The following APOB variants were observed in gnomAD, a reference collection of about 807,000 sequenced individuals.
APOB encodes apolipoprotein B-100.
Under a neutral mutation model 314.1 loss-of-function variants are expected in APOB, and 153 were observed. The observed-to-expected ratio is 0.49, with a 90% confidence interval of 0.43 to 0.56. The LOEUF (loss-of-function observed/expected upper bound fraction) is 0.56. APOB is among the 20% of genes least tolerant of loss of function. The pLI, the probability that APOB is intolerant of heterozygous loss-of-function variation, is 0.00. For synonymous variants in APOB, 2,087 were observed against 2,036.4 expected (o/e 1.02, Z -0.67); for missense variants, 5,430 against 5,350.7 (o/e 1.01, Z -0.46).
In APOB at chr2:21,001,872, G is replaced by A. The variant is rs763773989; in HGVS notation, c.13550C>T (p.Ser4517Phe). 3.0e-5 allele frequency: 48 copies of A among 1,613,994 alleles called. 1 individual carries two copies. In the South Asian group the frequency reaches 4.0e-4, roughly 13 times the overall value. Residue 4517 changes from serine to phenylalanine, a missense_variant, in exon 29 of 29, where the codon TCC becomes TTC. Ser to Phe is a radical substitution (Grantham distance 155). Coordinates refer to ENST00000233242, the MANE Select transcript of APOB (RefSeq NM_000384.3). ...AATGGACAGGTCAATCAATCTTTTG[G>A]ATTCAGCAATAAATTTTTCATAGTA... Reference protein sequence around the residue: ...SDYYEKFIAESKRLIDLSIQN... With the variant: ...SDYYEKFIAEFKRLIDLSIQN...
rs1663003357 is a variant in APOB at position 21,002,267 on chromosome 2, A to C, written c.13155T>G (p.Arg4385=). 6.2e-7 allele frequency: 1 copy of C among 1,614,012 alleles called. No homozygotes were observed. Among genetic ancestry groups the C allele is most frequent in the African/African-American group, 1.3e-5 (1 of 75,060 alleles). The change falls in exon 29 of 29, where the codon CGT becomes CGG. Residue 4385 remains arginine, a synonymous_variant. Coordinates refer to ENST00000233242, the MANE Select transcript of APOB (RefSeq NM_000384.3). ...QQIHQYIMAL[R]EEYFDPSIVG... Reference sequence around the variant, plus strand: ...CTATACTTGGATCAAAATATTCTTCACGAAGGGCCATAATGTATTGATGGA... The same window carrying C: ...CTATACTTGGATCAAAATATTCTTCCCGAAGGGCCATAATGTATTGATGGA...
In APOB at chr2:21,019,713, C is replaced by A. The variant is rs780814886; in HGVS notation, c.2999+10G>T. On this transcript the variant is annotated intron_variant, in intron 19 of 28. Coordinates refer to ENST00000233242, the MANE Select transcript of APOB (RefSeq NM_000384.3). ...AGAAAATGCTGGGTCAGGCACTGAG[C>A]ATCTCTAACCTGGTGTCCCCGGTCA... 24 of 1,613,658 alleles carry A rather than the reference C, an allele frequency of 1.5e-5. No homozygotes were observed. The East Asian group carries it at 5.3e-4, about 36-fold the overall frequency.
chr2:21,005,358 G>A lies in APOB; in HGVS notation c.11510C>T (p.Ala3837Val), dbSNP rs1320591054. ...LPKSVSDGIA[A>V]LDLNAVANKI... is the part of the protein sequence containing the mutation. The stretch of plus-strand genomic sequence containing the variant: ...GTTGGCTACTGCATTTAGATCCAAA[G>A]CAGCAATGCCATCTGAAACACTTTT... Residue 3837 changes from alanine to valine, a missense_variant, in exon 26 of 29, where the codon GCT becomes GTT. Ala to Val is a moderately conservative substitution (Grantham distance 64). This residue lies in a region of APOB where 3,281 missense variants were observed against 3,171.0 expected (regional missense o/e 1.03). Transcript: ENST00000233242. 6.2e-7 allele frequency: 1 copy of A among 1,614,108 alleles called. No homozygotes were observed. The highest frequency in any genetic ancestry group is 1.1e-5 in the South Asian group (1 of 91,088).
rs759254655 is a variant in APOB, at chr2:21,006,642, C to T, written c.10226G>A (p.Ser3409Asn). The T allele has an allele frequency of 2.9e-5, 46 of 1,613,982 alleles. 1 individual carries two copies. In the South Asian group the frequency reaches 4.9e-4, roughly 17 times the overall value. Reference sequence around the variant, plus strand: ...GGTTAAGCTCACAGTACTGTTATGACTACCCTCCACAAATTTGTTGCTCAG... The same window carrying T: ...GGTTAAGCTCACAGTACTGTTATGATTACCCTCCACAAATTTGTTGCTCAG... ...LSLSNKFVEG[S>N]HNSTVSLTTK... Residue 3409 changes from serine to asparagine, a missense_variant, in exon 26 of 29, where the codon AGT becomes AAT. This residue lies in a region of APOB where 3,281 missense variants were observed against 3,171.0 expected (regional missense o/e 1.03). Coordinates refer to ENST00000233242, the MANE Select transcript of APOB (RefSeq NM_000384.3).
At position 21,011,586 on chromosome 2, in the gene APOB, C is replaced by T; in HGVS notation, c.5282G>A (p.Gly1761Asp). Residue 1761 changes from glycine (G) to aspartate (D), a missense_variant, in exon 26 of 29, where the codon GGC (glycine) becomes GAC (aspartate). Transcript: ENST00000233242. ...FDHTNSLNIA[G>D]LSLDFSSKLD... is the part of the protein sequence containing the mutation. The stretch of plus-strand genomic sequence containing the variant: ...TTTTGAAGAGAAGTCCAGTGATAAG[C>T]CTGCAATGTTCAGACTGTTTGTGTG... 1 of 1,614,156 alleles carries T rather than the reference C, an allele frequency of 6.2e-7. No homozygotes were observed. The highest frequency in any genetic ancestry group is 8.5e-7 in the Non-Finnish European group (1 of 1,179,994).
chr2:21,035,580 C>T lies in APOB; in HGVS notation c.818+4G>A. ...ACAAATCAGGGGTGCATCACATGAC[C>T]TACTTGTAGGAGAAAGGCAGGAAGA... is the stretch of plus-strand genomic sequence containing the variant. On this transcript the variant is annotated splice_donor_region_variant and intron_variant, in intron 7 of 28. Coordinates refer to ENST00000233242, the MANE Select transcript of APOB (RefSeq NM_000384.3). 1 of 1,614,026 alleles carries T rather than the reference C, an allele frequency of 6.2e-7. No individual in the cohort carries two copies. Among genetic ancestry groups the T allele is most frequent in the Non-Finnish European group, 8.5e-7 (1 of 1,180,038 alleles).
chr2:21,034,796 A>G lies in APOB; in HGVS notation c.904+20T>C. On this transcript the variant is annotated intron_variant, in intron 8 of 28. Transcript: ENST00000233242. Reference sequence around the variant, plus strand: ...ATCTTGAGTAGATTTTCCAGCAACTATGTGGACAGAAACTCTTACCTTCAC... The same window carrying G: ...ATCTTGAGTAGATTTTCCAGCAACTGTGTGGACAGAAACTCTTACCTTCAC... 1 of 1,440,588 alleles carries G rather than the reference A, an allele frequency of 6.9e-7. No homozygotes were observed. 89.2% of individuals were successfully genotyped at this position (1,440,588 alleles called of 1,614,324 possible). A position where few individuals can be genotyped will look rare whatever the true frequency, so the allele number is the denominator to read the frequency against.
At chr2:21,030,518 A>G (rs1212691813) in intron 10 of APOB, among the ~76,000 whole-genome samples, 3 of 152,230 alleles carry the variant, frequency 2.0e-5, no homozygotes, top group Non-Finnish European at 4.4e-5. Flanking sequence ...AACCTAGGGA[A>G]AACTTCTCTG....
At chr2:21,015,591 A>G in intron 21 of APOB, 46 bp from the exon 22 acceptor site, 1 of 1,587,306 alleles carries the variant, frequency 6.3e-7, no homozygotes, top group Non-Finnish European at 8.6e-7. Context: ...TGTCCTTTCA[A>G]TGGAGATATG....
At position 21,029,815 on chromosome 2, in the gene APOB, T is replaced by C. The variant is rs1199193353; in HGVS notation, c.1471-30A>G. On this transcript the variant is annotated intron_variant, in intron 11 of 28. Transcript: ENST00000233242. ...ATTGAAGAAAAGAAACAAGAACCCA[T>C]CAGGGTGCAGGAGAGGGAAGTAAAA... 5.0e-6 allele frequency: 8 copies of C among 1,613,616 alleles called. No homozygotes were observed. In the South Asian group the frequency reaches 5.5e-5, roughly 11 times the overall value.
chr2:21,013,110 G>A, intron 25 of APOB, 50 bp downstream of exon 25: 1 of 1,611,638 alleles, frequency 6.2e-7, no homozygotes, highest in East Asian at 2.2e-5. Context: ...TCTCCTCTTA[G>A]AGCCTGCCAT....
In APOB at chr2:21,008,853, A is replaced by C; in HGVS notation, c.8015T>G (p.Ile2672Ser). 3.1e-6 allele frequency: 5 copies of C among 1,614,104 alleles called. No individual in the cohort carries two copies. Among genetic ancestry groups the C allele is most frequent in the Non-Finnish European group, 4.2e-6 (5 of 1,179,968 alleles). ...TIDFVEMKVKIIRTIDQMLNS... is the reference protein window; with the variant it reads ...TIDFVEMKVKSIRTIDQMLNS... ...CAGCATCTGGTCAATGGTTCTGATG[A>C]TCTTTACTTTCATTTCTACAAAGTC... is the stretch of plus-strand genomic sequence containing the variant. Residue 2672 changes from isoleucine (I) to serine (S), a missense_variant, in exon 26 of 29, where the codon ATC becomes AGC. By Grantham distance (142) the Ile-to-Ser change is moderately radical. Transcript: ENST00000233242.
In APOB at chr2:21,007,830, C is replaced by T. The variant is rs1572780311; in HGVS notation, c.9038G>A (p.Gly3013Glu). 1 of 1,614,066 alleles carries T rather than the reference C, an allele frequency of 6.2e-7. No individual in the cohort carries two copies. Among genetic ancestry groups the T allele is most frequent in the African/African-American group, 1.3e-5 (1 of 75,050 alleles). ...TAKGMALFGEGKAEFTGRHDA... is the reference protein window; with the variant it reads ...TAKGMALFGEEKAEFTGRHDA... ...ATGCCTCCCAGTAAACTCTGCCTTC[C>T]CTTCTCCAAACAGTGCCATGCCTTT... The change falls in exon 26 of 29, where the codon GGG becomes GAG. Residue 3013 changes from glycine (G) to glutamate (E), a missense_variant. By Grantham distance (98) the Gly-to-Glu change is moderately conservative. Coordinates refer to ENST00000233242, the MANE Select transcript of APOB (RefSeq NM_000384.3).
Position 21,019,858 on chromosome 2 carries a change from G to C in APOB, c.2864C>G (p.Pro955Arg). ...CCAGGACTGCCTGTTCTCAATGAGA[G>C]GTGGGATCACCTCCGTTTTGGTGGT... ...VSTTKTEVIPPLIENRQSWSV... is the reference protein window; with the variant it reads ...VSTTKTEVIPRLIENRQSWSV... The change falls in exon 19 of 29, where the codon CCT becomes CGT. Residue 955 changes from proline to arginine, a missense_variant. Coordinates refer to ENST00000233242, the MANE Select transcript of APOB (RefSeq NM_000384.3). The C allele has an allele frequency of 6.2e-7, 1 of 1,614,148 alleles. No individual in the cohort carries two copies. The highest frequency in any genetic ancestry group is 2.2e-5 in the East Asian group (1 of 44,876).
Position 21,011,482 on chromosome 2 carries a change from T to C in APOB, c.5386A>G (p.Thr1796Ala). ...TTGTATTTCAGGTCACTGTTTAAAG[T>C]AGTTACCAGAGAATAGGGCTGTAGC... ...LQLQPYSLVTTLNSDLKYNAL... is the reference protein window; with the variant it reads ...LQLQPYSLVTALNSDLKYNAL... The change falls in exon 26 of 29, where the codon ACT becomes GCT. Residue 1796 changes from threonine to alanine, a missense_variant. Coordinates refer to ENST00000233242, the MANE Select transcript of APOB (RefSeq NM_000384.3). The C allele has an allele frequency of 1.2e-6, 2 of 1,614,186 alleles. No individual in the cohort carries two copies. Among genetic ancestry groups the C allele is most frequent in the South Asian group, 1.1e-5 (1 of 91,086 alleles).
At chr2:21,017,985 A>C (rs973213316) in intron 20 of APOB, among the ~76,000 whole-genome samples, 2 of 152,130 alleles carry the variant, frequency 1.3e-5, no homozygotes, top group South Asian at 2.1e-4. Context: ...GTGAACACCT[A>C]AATTTCTCCC....
chr2:21,011,003 C>T lies in APOB; in HGVS notation c.5865G>A (p.Val1955=). 1 of 1,614,162 alleles carries T rather than the reference C, an allele frequency of 6.2e-7. No individual in the cohort carries two copies. The highest frequency in any genetic ancestry group is 8.5e-7 in the Non-Finnish European group (1 of 1,180,010). The change falls in exon 26 of 29, where the codon GTG becomes GTA. Residue 1955 remains valine, a synonymous_variant. Transcript: ENST00000233242. ...DYKGSTSHHL[V]SRKSISAALE... is the part of the protein sequence containing the mutation. ...GAGCTGCACTGATGCTTTTCCTAGA[C>T]ACGAGATGATGACTTGTGGAGCCTT...
chr2:21,010,368 A>G lies in APOB; in HGVS notation c.6500T>C (p.Phe2167Ser). The G allele has an allele frequency of 6.3e-7, 1 of 1,580,234 alleles. No homozygotes were observed. The highest frequency in any genetic ancestry group is 1.8e-5 in the Admixed American group (1 of 56,394). Residue 2167 changes from phenylalanine (F) to serine (S), a missense_variant, in exon 26 of 29, where the codon TTT (phenylalanine) becomes TCT (serine). Phe to Ser is a radical substitution (Grantham distance 155, BLOSUM62 -2). Around this residue, in one of 3 missense-constraint regions of APOB, gnomAD observed 3,281 missense variants for 3,171.0 expected, o/e 1.03. Coordinates refer to ENST00000233242, the MANE Select transcript of APOB (RefSeq NM_000384.3). ...CTGCAGTTGAGATAGTTTTTCATTA[A>G]AGTTGATTTTGGCATCATCTAATGC... ...QIALDDAKINFNEKLSQLQTY... is the reference protein window; with the variant it reads ...QIALDDAKINSNEKLSQLQTY...
rs779776455 is a variant in APOB, at chr2:21,042,465, G to C, written c.133C>G (p.Arg45Gly). 60 of 1,613,846 alleles carry C rather than the reference G, an allele frequency of 3.7e-5. No homozygotes were observed. The highest frequency in any genetic ancestry group is 4.7e-5 in the Non-Finnish European group (55 of 1,179,894). The change falls in exon 3 of 29, where the codon CGA becomes GGA. Residue 45 changes from arginine to glycine, a missense_variant. This residue lies in a region of APOB where 2,085 missense variants were observed against 2,079.7 expected (regional missense o/e 1.00). Coordinates refer to ENST00000233242, the MANE Select transcript of APOB (RefSeq NM_000384.3). Reference sequence around the variant, plus strand: ...GTGTACTTCCGGAGGTGCTTGAATCGGGTCGCATCTTCTAACGTGGGGAGA... The same window carrying C: ...GTGTACTTCCGGAGGTGCTTGAATCCGGTCGCATCTTCTAACGTGGGGAGA... ...VSLVCPKDAT[R>G]FKHLRKYTYN... is the part of the protein sequence containing the mutation.
Sources: allele counts gnomAD v4.1 joint callset (sites outside exome capture counted in the v4.1 genomes callset), GRCh38; gene constraint gnomAD v4.1.1; regional missense constraint gnomAD v4.1.1; transcripts MANE v1.5; gene names NCBI Gene and HGNC (gene_info 2026-07-23, HGNC 2026-07-21).